The following BEND3 variants were observed in gnomAD, a reference collection of about 807,000 sequenced individuals.
The protein encoded by BEND3 is BEN domain-containing protein 3.
A neutral mutation model predicts 60.1 loss-of-function variants in BEND3; 13 were observed. That is an observed-to-expected ratio of 0.22 (90% CI 0.14 to 0.34). BEND3 has a LOEUF of 0.34. Among genes scored for constraint, BEND3 ranks in the 10% least tolerant of loss-of-function variants. BEND3 has a pLI of 1.00. For missense variants in BEND3, 896 were observed against 1,138.1 expected (o/e 0.79, Z 3.06); for synonymous variants, 497 against 491.5 (o/e 1.01, Z -0.15).
chr6:107,069,533 C>G lies in BEND3; in HGVS notation c.1658G>C (p.Cys553Ser), dbSNP rs782310422. 48 of 1,613,002 alleles carry G rather than the reference C, an allele frequency of 3.0e-5. No homozygotes were observed. The Admixed American group carries it at 8.0e-4, about 27-fold the overall frequency. ...GCGTAGCTGCTCCTTGCTGAGCAGGCAGTCGGCACCGGGCACCTCGAAGTC... is the reference window on the plus strand; with the variant it reads ...GCGTAGCTGCTCCTTGCTGAGCAGGGAGTCGGCACCGGGCACCTCGAAGTC... ...QPDFEVPGAD[C>S]LLSKEQLRSI... The change falls in exon 4 of 4, where the codon TGC becomes TCC. Residue 553 changes from cysteine to serine, a missense_variant. This residue lies in a region of BEND3 where 846 missense variants were observed against 1,036.7 expected (regional missense o/e 0.82). Transcript: ENST00000369042.
At chr6:107,098,326 T>C (rs926340741) in intron 3 of BEND3, among the ~76,000 whole-genome samples, 8 of 152,152 alleles carry the variant, frequency 5.3e-5, no homozygotes, top group African/African-American at 1.2e-4. Context: ...GCAGCTGCAA[T>C]GTGAAGGCTC....
intron 3 of BEND3, among the ~76,000 whole-genome samples, chr6:107,085,565 C>G (rs368834643): frequency 8.5e-5 from 13 of 152,106 alleles, no homozygotes; most frequent in Middle Eastern, 3.4e-3. Context: ...GATCTCGGCT[C>G]ACTGCTAGCT....
intron 3 of BEND3, among the ~76,000 whole-genome samples, chr6:107,095,539 G>A (rs112837831): frequency 5.9e-5 from 9 of 152,186 alleles, no homozygotes; most frequent in South Asian, 2.1e-4. Flanking sequence ...CACACTCCTC[G>A]GTGTTTATCC....
chr6:107,084,390 C>CT (rs1440591470), intron 3 of BEND3, among the ~76,000 whole-genome samples: 2 of 152,244 alleles, frequency 1.3e-5, no homozygotes, highest in Non-Finnish European at 2.9e-5. Flanking sequence ...GAGAACTTTT[C>CT]TGTCTAGCTA....
At chr6:107,083,682 CA>C (rs1166277701) in intron 3 of BEND3, among the ~76,000 whole-genome samples, 3 of 151,456 alleles carry the variant, frequency 2.0e-5, no homozygotes, top group African/African-American at 4.8e-5. Context: ...AAAAAGTCAA[CA>C]TTTTTTTCTG....
chr6:107,110,105 G>A (rs1014228452), intron 1 of BEND3, among the ~76,000 whole-genome samples: 26 of 151,990 alleles, frequency 1.7e-4, no homozygotes, highest in African/African-American at 4.4e-4. Context: ...AGGCTCAGGC[G>A]GAAGCATTGC....
chr6:107,077,702 G>GT (rs1775129036), intron 3 of BEND3, among the ~76,000 whole-genome samples: 2 of 152,142 alleles, frequency 1.3e-5, no homozygotes, highest in African/African-American at 4.8e-5. Flanking sequence ...CCAGCATGAT[G>GT]TTTGAGTGCC....
intron 3 of BEND3, among the ~76,000 whole-genome samples, chr6:107,073,201 GTATA>G (rs782669876): frequency 9.7e-4 from 22 of 22,604 alleles, no homozygotes; most frequent in Non-Finnish European, 1.2e-3. Context: ...GTATGTGTAT[GTATA>G]TATATATATA....
rs1554230639 is a variant in BEND3 at position 107,065,432 on chromosome 6, T to C, written c.*3272A>G. On this transcript the variant is annotated 3_prime_UTR_variant, in exon 4 of 4. Coordinates refer to ENST00000369042, the MANE Select transcript of BEND3 (RefSeq NM_001367314.1). ...TCTGATATCCACTTTGTGCAGGGTC[T>C]GCTATTACTAGGATGTCAGAAAAAC... 1 of 152,540 alleles carries C rather than the reference T, an allele frequency of 6.6e-6. No individual in the cohort carries two copies. The allele number at this position is 152,540 out of a possible 1,614,324, so 9.4% of individuals were successfully genotyped here.
At chr6:107,113,439 AAAAAAAAAAAAAAAC>A (rs1554238784) in intron 1 of BEND3, among the ~76,000 whole-genome samples, 1 of 60,504 alleles carries the variant, frequency 1.7e-5, no homozygotes, top group African/African-American at 7.3e-5. Context: ...CTCCGTCTCA[AAAAAAAAAAAAAAAC>A]AAAAAAAAAA....
chr6:107,095,043 G>T (rs1554235787), intron 3 of BEND3, among the ~76,000 whole-genome samples: 1 of 151,836 alleles, frequency 6.6e-6, no homozygotes, highest in African/African-American at 2.4e-5. Flanking sequence ...GGCTGATCTG[G>T]AACTCCTGGA....
At chr6:107,077,668 T>A (rs1775128356) in intron 3 of BEND3, among the ~76,000 whole-genome samples, 1 of 152,182 alleles carries the variant, frequency 6.6e-6, no homozygotes, top group African/African-American at 2.4e-5. Context: ...TTCTCATGCA[T>A]CTTACAAATA....
rs553293796 is a variant in BEND3, at chr6:107,072,116, C to A, written c.241-1166G>T. ...GTTTTAGGAAAGCAGATGAGCTAGT[C>A]AGTGAGCGCTGGTGGGTGTCGGGGG... On this transcript the variant is annotated intron_variant, in intron 3 of 3. Coordinates refer to ENST00000369042, the MANE Select transcript of BEND3 (RefSeq NM_001367314.1). 5.3e-5 allele frequency among the ~76,000 whole-genome samples: 8 copies of A among 152,298 alleles called. 1 individual carries two copies. The South Asian group carries it at 1.7e-3, about 32-fold the overall frequency.
At chr6:107,102,929 C>G (rs1211060004) in intron 1 of BEND3, among the ~76,000 whole-genome samples, 1 of 152,334 alleles carries the variant, frequency 6.6e-6, no homozygotes, top group Non-Finnish European at 1.5e-5. Context: ...AGTGGCAGAA[C>G]CTGGCTTCAA....
intron 1 of BEND3, among the ~76,000 whole-genome samples, chr6:107,100,776 G>A (rs1337186694): frequency 6.6e-6 from 1 of 152,218 alleles, no homozygotes; most frequent in African/African-American, 2.4e-5. Flanking sequence ...GTAACATTTG[G>A]AGAATATACA....
chr6:107,079,435 C>T (rs1007056218), intron 3 of BEND3, among the ~76,000 whole-genome samples: 2 of 152,154 alleles, frequency 1.3e-5, no homozygotes, highest in Non-Finnish European at 2.9e-5. Context: ...CTGGTTAATA[C>T]AAGCTGCCTA....
chr6:107,110,030 CAAAAA>C (rs10708512), intron 1 of BEND3, among the ~76,000 whole-genome samples: 3 of 125,546 alleles, frequency 2.4e-5, no homozygotes, highest in East Asian at 2.3e-4. Context: ...GACCCTGACT[CAAAAA>C]AAAAAAAAAA....
At chr6:107,111,964 AGAGT>A (rs559033157) in intron 1 of BEND3, among the ~76,000 whole-genome samples, 84 of 150,416 alleles carry the variant, frequency 5.6e-4, no homozygotes, top group African/African-American at 2.0e-3. Context: ...CCTGGGCACC[AGAGT>A]GAGACTCCGT....
chr6:107,086,495 G>C (rs1021205644), intron 3 of BEND3, among the ~76,000 whole-genome samples: 2 of 151,802 alleles, frequency 1.3e-5, no homozygotes, highest in South Asian at 4.2e-4. Flanking sequence ...TGCGCCTGTA[G>C]TCCCAGCTAC....
Sources: gnomAD v4.1 joint callset for allele counts (sites outside exome capture counted in the v4.1 genomes callset) on GRCh38, gnomAD v4.1.1 for gene constraint, gnomAD v4.1.1 regional missense constraint, MANE v1.5 for transcripts, NCBI Gene and HGNC (gene_info 2026-07-23, HGNC 2026-07-21) for gene names.